The following LHCGR variants were observed in gnomAD, a reference collection of about 807,000 sequenced individuals.
LHCGR encodes the protein lutropin-choriogonadotropic hormone receptor.
LHCGR carries 55 observed loss-of-function variants against 60.7 expected under a neutral mutation model. The observed-to-expected ratio is 0.91, with a 90% CI of 0.73 to 1.13. LHCGR has a LOEUF of 1.13. Among genes scored for constraint, LHCGR ranks in the 50% most tolerant of loss-of-function variants. The pLI, the probability that LHCGR is intolerant of heterozygous loss-of-function variation, is 0.00. For missense variants in LHCGR, 862 were observed against 836.0 expected, an observed-to-expected ratio of 1.03 and a Z score of -0.38; for synonymous variants, 337 against 316.5, an observed-to-expected ratio of 1.06 and a Z score of -0.69.
intron 7 of LHCGR, among the ~76,000 whole-genome samples, chr2:48,713,252 A>G (rs1668080536): frequency 6.6e-6 from 1 of 152,088 alleles, no homozygotes; most frequent in Non-Finnish European, 1.5e-5. Flanking sequence ...ATTTTCCATA[A>G]TTTTGGCTTT....
intron 10 of LHCGR, among the ~76,000 whole-genome samples, chr2:48,693,742 C>T (rs1252313397): frequency 6.6e-6 from 1 of 152,188 alleles, no homozygotes; most frequent in Non-Finnish European, 1.5e-5. Context: ...TAGCTTCCAT[C>T]CAGTGTATGT....
rs556932972 is a variant in LHCGR, at chr2:48,730,523, C to T, written c.233+704G>A. Among the ~76,000 whole-genome samples the T allele has an allele frequency of 2.0e-5, 3 of 152,300 alleles. No homozygotes were observed. The South Asian group carries it at 6.2e-4, about 32-fold the overall frequency. ...CATCTTCTTTAGAGATGCAAATCTG[C>T]TTCCAAAGTCCAGTGGATTGTTAAG... On this transcript the variant is annotated intron_variant, in intron 2 of 10. Coordinates refer to ENST00000294954, the MANE Select transcript of LHCGR (RefSeq NM_000233.4).
In LHCGR at chr2:48,698,596, C is replaced by T; in HGVS notation, c.866+19G>A. 2 of 1,607,168 alleles carry T rather than the reference C, an allele frequency of 1.2e-6. No individual in the cohort carries two copies. Among genetic ancestry groups the T allele is most frequent in the South Asian group, 2.2e-5 (2 of 90,926 alleles). On this transcript the variant is annotated intron_variant, in intron 9 of 10. Transcript: ENST00000294954. ...TCTGCCACAGCTTGGGTAGGCTTTACCTTTTGGTTTCTACTTACTCTTTTG... is the reference window on the plus strand; with the variant it reads ...TCTGCCACAGCTTGGGTAGGCTTTATCTTTTGGTTTCTACTTACTCTTTTG...
chr2:48,698,824 C>G, intron 8 of LHCGR, 24 bp from the exon 9 acceptor site: 1 of 1,580,662 alleles, frequency 6.3e-7, no homozygotes, highest in Non-Finnish European at 8.6e-7. Flanking sequence ...GGGAGAAATG[C>G]TTTTTATTTA....
intron 6 of LHCGR, chr2:48,720,244 C>T (rs187516417): frequency 9.9e-5 from 15 of 152,272 alleles, no homozygotes; most frequent in Middle Eastern, 3.4e-3. Context: ...CTTTGAGTCT[C>T]GTGGGGTGGC....
intron 8 of LHCGR, among the ~76,000 whole-genome samples, chr2:48,702,363 ATCAACTTG>A (rs1558825853): frequency 6.6e-6 from 1 of 151,638 alleles, no homozygotes; most frequent in Non-Finnish European, 1.5e-5. Context: ...TGCTGCACCC[ATCAACTTG>A]TCATTTACAT....
At chr2:48,717,388 C>A (rs1297226674) in intron 6 of LHCGR, among the ~76,000 whole-genome samples, 1 of 152,138 alleles carries the variant, frequency 6.6e-6, no homozygotes, top group Non-Finnish European at 1.5e-5. Context: ...TTACTTTGGG[C>A]AAGTTACTTA....
intron 9 of LHCGR, among the ~76,000 whole-genome samples, chr2:48,694,569 C>T (rs201666282): frequency 6.6e-6 from 1 of 152,092 alleles, no homozygotes; most frequent in Non-Finnish European, 1.5e-5. Context: ...TTAAATTTGT[C>T]ATATTGAATC....
At chr2:48,744,643 T>A (rs1384177310) in intron 1 of LHCGR, among the ~76,000 whole-genome samples, 1 of 83,906 alleles carries the variant, frequency 1.2e-5, no homozygotes, top group South Asian at 5.1e-4. Context: ...GCTAGCCATA[T>A]GTAGAAAGCT....
At chr2:48,713,920 G>T in intron 7 of LHCGR, 66 bp downstream of exon 7, 1 of 1,224,310 alleles carries the variant, frequency 8.2e-7, no homozygotes, top group Non-Finnish European at 1.2e-6. Context: ...AAGATTGAAT[G>T]TGATCTTGTA....
intron 1 of LHCGR, among the ~76,000 whole-genome samples, chr2:48,741,932 G>A (rs1669475219): frequency 6.6e-6 from 1 of 152,090 alleles, no homozygotes; most frequent in South Asian, 2.1e-4. Flanking sequence ...TCAGTGTGCT[G>A]TATTCAGGAA....
At position 48,723,712 on chromosome 2, in the gene LHCGR, G is replaced by C. The variant is rs2104452181; in HGVS notation, c.384-16C>G. On this transcript the variant is annotated splice_polypyrimidine_tract_variant and intron_variant, in intron 4 of 10. Coordinates refer to ENST00000294954, the MANE Select transcript of LHCGR (RefSeq NM_000233.4). The stretch of plus-strand genomic sequence containing the variant: ...ACAGATGCTCCTGTGATTAGGGACA[G>C]GATAGTGGTGTGGGCAGAGAGTGGG... 6.3e-7 allele frequency: 1 copy of C among 1,593,282 alleles called. No individual in the cohort carries two copies. The highest frequency in any genetic ancestry group is 8.6e-7 in the Non-Finnish European group (1 of 1,161,108).
intron 1 of LHCGR, among the ~76,000 whole-genome samples, chr2:48,738,548 C>T (rs1669298687): frequency 2.0e-5 from 3 of 152,216 alleles, no homozygotes; most frequent in African/African-American, 7.2e-5. Flanking sequence ...AACCTATCTA[C>T]AAATGTCTCA....
chr2:48,706,794 C>G (rs1280209443), intron 8 of LHCGR, among the ~76,000 whole-genome samples: 1 of 152,082 alleles, frequency 6.6e-6, no homozygotes, highest in Admixed American at 6.5e-5. Context: ...TTCGCCTAAC[C>G]TTTTTTCATG....
chr2:48,694,089 T>C, intron 10 of LHCGR, 135 bp downstream of exon 10: 1 of 671,318 alleles, frequency 1.5e-6, no homozygotes, highest in East Asian at 2.8e-5. Flanking sequence ...AAATTCCCAT[T>C]TTAAAACTAT....
At chr2:48,694,553 A>G (rs1043565196) in intron 9 of LHCGR, among the ~76,000 whole-genome samples, 1 of 152,170 alleles carries the variant, frequency 6.6e-6, no homozygotes, top group African/African-American at 2.4e-5. Context: ...CTAGAGATGA[A>G]AAAACTTAAA....
intron 6 of LHCGR, among the ~76,000 whole-genome samples, chr2:48,722,576 G>C (rs1046327363): frequency 6.6e-6 from 1 of 152,122 alleles, no homozygotes; most frequent in Non-Finnish European, 1.5e-5. Flanking sequence ...GTTTAAAAGT[G>C]CGTGACATCT....
intron 1 of LHCGR, among the ~76,000 whole-genome samples, chr2:48,750,970 C>T (rs55817859): frequency 0.052 from 7,850 of 152,280 alleles, 315 homozygotes; most frequent in Non-Finnish European, 0.078. Context: ...TGTCAATTGT[C>T]AATATTGCTA....
intron 1 of LHCGR, among the ~76,000 whole-genome samples, chr2:48,753,367 AG>A (rs1670065415): frequency 6.6e-6 from 1 of 152,206 alleles, no homozygotes; most frequent in South Asian, 2.1e-4. Context: ...TGGCCTGCAT[AG>A]GCTCAACCTC....
Sources: gnomAD v4.1 joint callset for allele counts (sites outside exome capture counted in the v4.1 genomes callset) on GRCh38, gnomAD v4.1.1 for gene constraint, MANE v1.5 for transcripts, NCBI Gene and HGNC (gene_info 2026-07-23, HGNC 2026-07-21) for gene names.